Variants in ORC4 observed in about 807,000 individuals in gnomAD.
ORC4 encodes origin recognition complex subunit 4.
ORC4 carries 55 observed loss-of-function variants against 63.9 expected under a neutral mutation model. The observed-to-expected ratio is 0.86, with a 90% CI of 0.69 to 1.08. ORC4 has a LOEUF of 1.08. Ranked by LOEUF, ORC4 falls within the 50% of genes least tolerant of loss-of-function variation. The pLI, the probability that ORC4 is intolerant of heterozygous loss-of-function variation, is 0.00. For synonymous variants in ORC4, 150 were observed against 168.5 expected, an observed-to-expected ratio of 0.89 and a Z score of 0.85; for missense variants, 511 against 504.4, an observed-to-expected ratio of 1.01 and a Z score of -0.13.
At chr2:147,958,707 TA>T (rs1689405612) in intron 5 of ORC4, 83 bp downstream of exon 5, 2 of 737,070 alleles carry the variant, frequency 2.7e-6, no homozygotes, top group South Asian at 3.1e-5. Context: ...ATCTAACTAT[TA>T]AAATGGATTT....
chr2:147,940,060 CAG>C (rs1688276056), intron 10 of ORC4, among the ~76,000 whole-genome samples: 4 of 152,266 alleles, frequency 2.6e-5, no homozygotes, highest in Admixed American at 1.3e-4. Context: ...ATTAGCTGGG[CAG>C]AGAGTTTGGC....
At chr2:147,938,458 AAAG>A in intron 11 of ORC4, 65 bp from the exon 12 acceptor site, 2 of 918,920 alleles carry the variant, frequency 2.2e-6, no homozygotes, top group Non-Finnish European at 3.6e-6. Flanking sequence ...ACTGTTCTCC[AAAG>A]AATACAATAT....
chr2:147,936,241 TGGA>T (rs1208244305), intron 13 of ORC4: 2 of 156,642 alleles, frequency 1.3e-5, no homozygotes, highest in South Asian at 1.9e-4. Flanking sequence ...AGTATGGACA[TGGA>T]GGAGAAGGGA....
chr2:148,002,521 A>G (rs1159397967), intron 1 of ORC4, among the ~76,000 whole-genome samples: 1 of 152,210 alleles, frequency 6.6e-6, no homozygotes, highest in Admixed American at 6.5e-5. Flanking sequence ...TACTGGGTAA[A>G]TAACAAAATT....
chr2:148,011,804 C>G (rs886587617), intron 1 of ORC4, among the ~76,000 whole-genome samples: 1 of 152,154 alleles, frequency 6.6e-6, no homozygotes, highest in Non-Finnish European at 1.5e-5. Context: ...TAGAATTTCT[C>G]TATGCCAACA....
chr2:147,979,989 T>C (rs1442262193), intron 1 of ORC4, among the ~76,000 whole-genome samples: 3 of 152,104 alleles, frequency 2.0e-5, no homozygotes, highest in Admixed American at 2.0e-4. Flanking sequence ...GGGGAAAGCT[T>C]TTTGACACTG....
chr2:148,015,061 C>T (rs1693187210), intron 1 of ORC4, among the ~76,000 whole-genome samples: 1 of 151,198 alleles, frequency 6.6e-6, no homozygotes, highest in African/African-American at 2.4e-5. Context: ...ATAAAGAATG[C>T]CACACGATGA....
Position 147,931,985 on chromosome 2 carries a change from G to C in ORC4, c.*3525C>G, listed in dbSNP as rs974879231. The stretch of plus-strand genomic sequence containing the variant: ...AATTAGGCAGGAGAAGGAAATAAAG[G>C]GTATTCAATTAGGAAAAGAGGAAGT... On this transcript the variant is annotated 3_prime_UTR_variant, in exon 14 of 14. Transcript: ENST00000392857. 5.9e-5 allele frequency: 9 copies of C among 151,880 alleles called. No individual in the cohort carries two copies. The highest frequency in any genetic ancestry group is 8.8e-5 in the Non-Finnish European group (6 of 67,986). 9.4% of individuals were successfully genotyped at this position (151,880 alleles called of 1,614,324 possible).
At chr2:147,972,503 G>A (rs2105348807) in intron 4 of ORC4, among the ~76,000 whole-genome samples, 1 of 151,908 alleles carries the variant, frequency 6.6e-6, no homozygotes, top group East Asian at 1.9e-4. Context: ...TTTTCACTAG[G>A]AGGACAAATA....
At chr2:147,947,001 C>T (rs1278973279) in intron 9 of ORC4, among the ~76,000 whole-genome samples, 1 of 151,968 alleles carries the variant, frequency 6.6e-6, no homozygotes, top group African/African-American at 2.4e-5. Context: ...ATACTGCTTA[C>T]ATGAGCAGAC....
rs573625303 is a variant in ORC4, at chr2:148,011,109, G to A, written c.-18+9524C>T. Among the ~76,000 whole-genome samples, 8 of 152,122 alleles carry A rather than the reference G, an allele frequency of 5.3e-5. No individual in the cohort carries two copies. In the South Asian group the frequency reaches 6.2e-4, roughly 12 times the overall value. ...CTCCCAAAGTTCTGGGATTACTGGC[G>A]TGAGCTACCATGCCTGGCCCCAGAT... On this transcript the variant is annotated intron_variant, in intron 1 of 13. Transcript: ENST00000392857.
intron 1 of ORC4, among the ~76,000 whole-genome samples, chr2:148,006,060 A>G (rs1030981410): frequency 1.3e-5 from 2 of 152,200 alleles, no homozygotes; most frequent in Non-Finnish European, 2.9e-5. Flanking sequence ...TTTTAACATA[A>G]TATCAAGGAA....
intron 10 of ORC4, among the ~76,000 whole-genome samples, 190 bp downstream of exon 10, chr2:147,943,246 A>G (rs1688463267): frequency 1.3e-5 from 2 of 152,084 alleles, no homozygotes; most frequent in African/African-American, 4.8e-5. Flanking sequence ...TTATCTAATG[A>G]AAGATAGAAA....
intron 1 of ORC4, among the ~76,000 whole-genome samples, chr2:148,003,303 C>A (rs921974480): frequency 2.0e-5 from 3 of 152,052 alleles, no homozygotes; most frequent in African/African-American, 4.8e-5. Context: ...GGCAGAGACA[C>A]AACAAAAAAA....
chr2:147,960,544 A>T (rs181176125), intron 4 of ORC4, among the ~76,000 whole-genome samples: 1 of 152,296 alleles, frequency 6.6e-6, no homozygotes, highest in Non-Finnish European at 1.5e-5. Flanking sequence ...TTGTGCCTAA[A>T]ATTTAATTTT....
At chr2:147,999,649 T>G (rs544647635) in intron 1 of ORC4, among the ~76,000 whole-genome samples, 1 of 152,140 alleles carries the variant, frequency 6.6e-6, no homozygotes, top group African/African-American at 2.4e-5. Flanking sequence ...AGAACTCTTC[T>G]TATTAGACTC....
At chr2:148,005,100 T>A (rs1692545863) in intron 1 of ORC4, among the ~76,000 whole-genome samples, 1 of 152,176 alleles carries the variant, frequency 6.6e-6, no homozygotes. Flanking sequence ...TAAAGACACA[T>A]GCATACGTAT....
At chr2:147,976,201 G>A (rs1347742065) in intron 1 of ORC4, among the ~76,000 whole-genome samples, 1 of 151,970 alleles carries the variant, frequency 6.6e-6, no homozygotes, top group Non-Finnish European at 1.5e-5. Flanking sequence ...TTTGCAGATG[G>A]TGCATTTTTT....
rs1687850283 is a variant in ORC4, at chr2:147,932,936, G to A, written c.*2574C>T. On this transcript the variant is annotated 3_prime_UTR_variant, in exon 14 of 14. Transcript: ENST00000392857. Reference sequence around the variant, plus strand: ...AACGTGATTCATTAGGACATTAACAGGTATTACGTTTTCAACATATACAGC... The same window carrying A: ...AACGTGATTCATTAGGACATTAACAAGTATTACGTTTTCAACATATACAGC... 6.6e-6 allele frequency: 1 copy of A among 152,078 alleles called. No individual in the cohort carries two copies. The highest frequency in any genetic ancestry group is 6.6e-5 in the Admixed American group (1 of 15,226). 9.4% of individuals were successfully genotyped at this position (152,078 alleles called of 1,614,324 possible).
Sources: gnomAD v4.1 joint callset for allele counts (sites outside exome capture counted in the v4.1 genomes callset) on GRCh38, gnomAD v4.1.1 for gene constraint, MANE v1.5 for transcripts, NCBI Gene and HGNC (gene_info 2026-07-23, HGNC 2026-07-21) for gene names.